The following HOOK1 variants were observed in gnomAD, a reference collection of about 807,000 sequenced individuals.
HOOK1 encodes protein Hook homolog 1.
HOOK1 carries 60 observed loss-of-function variants against 112.8 expected under a neutral mutation model. The observed-to-expected ratio is 0.53, with a 90% confidence interval of 0.43 to 0.66. The LOEUF is 0.66. Ranked by LOEUF, HOOK1 falls within the 30% of genes least tolerant of loss-of-function variation. HOOK1 has a pLI of 0.00. For missense variants in HOOK1, 770 were observed against 856.0 expected, an observed-to-expected ratio of 0.90 and a Z score of 1.25; for synonymous variants, 294 against 283.8, an observed-to-expected ratio of 1.04 and a Z score of -0.36.
intron 17 of HOOK1, 31 bp downstream of exon 17, chr1:59,864,697 T>C (rs1187756126): frequency 1.5e-6 from 2 of 1,367,330 alleles, no homozygotes; most frequent in East Asian, 2.4e-5. Flanking sequence ...TTTTCAAATA[T>C]GAGAAGGGAG....
rs1644113659 is a variant in HOOK1 at position 59,875,163 on chromosome 1, T to C, written c.*2198T>C. The C allele has an allele frequency of 6.6e-6, 1 of 152,618 alleles. No individual in the cohort carries two copies. Among genetic ancestry groups the C allele is most frequent in the Non-Finnish European group, 1.5e-5 (1 of 67,996 alleles). The allele number at this position is 152,618 out of a possible 1,614,324, so 9.5% of individuals were successfully genotyped here. On this transcript the variant is annotated 3_prime_UTR_variant, in exon 22 of 22. Transcript: ENST00000371208. ...TTGAGATTTTACAAGCCCTTCAAAC[T>C]CCGTTTTAAAGGAATTTATTGTAAA...
intron 2 of HOOK1, among the ~76,000 whole-genome samples, chr1:59,822,452 G>A (rs1403511887): frequency 6.6e-6 from 1 of 152,170 alleles, no homozygotes; most frequent in Non-Finnish European, 1.5e-5. Context: ...AGGAATGAAT[G>A]AAATTTGAAG....
chr1:59,854,032 ATATATATTTTTTTTTTTTTTTTTTT>A (rs1476266540), intron 12 of HOOK1, among the ~76,000 whole-genome samples: 5 of 23,022 alleles, frequency 2.2e-4, no homozygotes, highest in East Asian at 9.1e-4. Context: ...ATATATATAT[ATATATATTTTTTTTTTTTTTTTTTT>A]TTTTTTTTTT....
At chr1:59,851,013 A>T (rs373936139) in intron 12 of HOOK1, among the ~76,000 whole-genome samples, 2 of 151,656 alleles carry the variant, frequency 1.3e-5, no homozygotes, top group East Asian at 3.8e-4. Flanking sequence ...TTAATGGTTT[A>T]CTACTGGGTT....
Position 59,858,502 on chromosome 1 carries a change from C to A in HOOK1, c.1317C>A (p.His439Gln). Residue 439 changes from histidine (H) to glutamine (Q), a missense_variant, in exon 13 of 22, where the codon CAC becomes CAA. Physicochemically the swap from His to Gln is conservative, Grantham distance 24. This residue lies in a region of HOOK1 where 655 missense variants were observed against 725.9 expected (regional missense o/e 0.90). Transcript: ENST00000371208. Reference protein sequence around the residue: ...ELRCSQVQQDHLNQTDASATK... With the variant: ...ELRCSQVQQDQLNQTDASATK... ...GATGTTCACAAGTACAACAGGACCA[C>A]CTAAACCAAACAGGTTAATTTTGTT... is the stretch of plus-strand genomic sequence containing the variant. 2 of 1,610,050 alleles carry A rather than the reference C, an allele frequency of 1.2e-6. No homozygotes were observed. Among genetic ancestry groups the A allele is most frequent in the African/African-American group, 1.3e-5 (1 of 74,938 alleles).
intron 17 of HOOK1, 41 bp downstream of exon 17, chr1:59,864,707 G>A: frequency 5.5e-6 from 7 of 1,278,640 alleles, no homozygotes; most frequent in Non-Finnish European, 5.6e-6. Flanking sequence ...TGAGAAGGGA[G>A]GGGTTGTAAA....
At chr1:59,854,024 ATATATATATATATATTTTTTTTTTTTT>A (rs1272293290) in intron 12 of HOOK1, among the ~76,000 whole-genome samples, 3 of 21,264 alleles carry the variant, frequency 1.4e-4, no homozygotes, top group East Asian at 1.8e-3. Flanking sequence ...ATATATATAT[ATATATATATATATATTTTTTTTTTTTT>A]TTTTTTTTTT....
chr1:59,842,326 T>C (rs890076358), intron 8 of HOOK1, among the ~76,000 whole-genome samples: 1 of 152,166 alleles, frequency 6.6e-6, no homozygotes, highest in Non-Finnish European at 1.5e-5. Context: ...GCAGAAACTC[T>C]TTATTCTTTT....
At chr1:59,828,395 C>T (rs921234856) in intron 2 of HOOK1, among the ~76,000 whole-genome samples, 2 of 152,066 alleles carry the variant, frequency 1.3e-5, no homozygotes, top group Non-Finnish European at 2.9e-5. Context: ...CCTCAATTCC[C>T]TAAATAGTAA....
intron 8 of HOOK1, 74 bp downstream of exon 8, chr1:59,840,465 G>T (rs1204696589): frequency 1.1e-6 from 1 of 886,244 alleles, no homozygotes; most frequent in Non-Finnish European, 1.6e-6. Context: ...TAATTAATTA[G>T]TTAGCACTAT....
chr1:59,817,904 T>C (rs1352103270), intron 1 of HOOK1, among the ~76,000 whole-genome samples: 1 of 152,218 alleles, frequency 6.6e-6, no homozygotes, highest in Admixed American at 6.5e-5. Context: ...TATTTTCTGC[T>C]CTGTCCCTAG....
chr1:59,832,334 C>T (rs2098394601), intron 4 of HOOK1, 121 bp downstream of exon 4: 9 of 629,840 alleles, frequency 1.4e-5, no homozygotes, highest in Non-Finnish European at 2.5e-5. Context: ...ATAATTAGAA[C>T]ATGTTTTATT....
intron 12 of HOOK1, among the ~76,000 whole-genome samples, chr1:59,851,616 T>C (rs542531153): frequency 6.6e-6 from 1 of 151,696 alleles, no homozygotes; most frequent in African/African-American, 2.4e-5. Context: ...TAGAATTGAT[T>C]TTACTTCTTT....
chr1:59,835,435 G>A (rs754175220), intron 6 of HOOK1, 23 bp downstream of exon 6: 23 of 1,408,512 alleles, frequency 1.6e-5, no homozygotes, highest in East Asian at 1.4e-4. Context: ...ATGTTCCTAT[G>A]AGTATAAAAA....
At chr1:59,840,415 AG>A in intron 8 of HOOK1, 24 bp downstream of exon 8, 1 of 1,455,590 alleles carries the variant, frequency 6.9e-7, no homozygotes, top group Non-Finnish European at 9.2e-7. Context: ...CCCTGAGCTG[AG>A]AAAAACTTCC....
intron 10 of HOOK1, among the ~76,000 whole-genome samples, chr1:59,847,930 T>A (rs575293656): frequency 6.6e-6 from 1 of 151,822 alleles, no homozygotes; most frequent in South Asian, 2.1e-4. Context: ...GTCAAATACT[T>A]GGAAGGAAAC....
At chr1:59,833,675 C>A in intron 5 of HOOK1, 138 bp downstream of exon 5, 1 of 650,354 alleles carries the variant, frequency 1.5e-6, no homozygotes, top group Non-Finnish European at 2.4e-6. Flanking sequence ...TGAATTCTAG[C>A]CCAACTCTGT....
At position 59,833,480 on chromosome 1, in the gene HOOK1, C is replaced by T. The variant is rs780835674; in HGVS notation, c.349C>T (p.Leu117Phe). The stretch of plus-strand genomic sequence containing the variant: ...AACCGAATGTTCAGATCCAGTGGAG[C>T]TTGGGAGGTTGCTCCAGCTTATTTT... ...QITECSDPVE[L>F]GRLLQLILGC... The change falls in exon 5 of 22, where the codon CTT becomes TTT. Residue 117 changes from leucine (L) to phenylalanine (F), a missense_variant. Around this residue, in one of 3 missense-constraint regions of HOOK1, gnomAD observed 655 missense variants for 725.9 expected, o/e 0.90. Transcript: ENST00000371208. The T allele has an allele frequency of 1.3e-6, 2 of 1,594,390 alleles. No individual in the cohort carries two copies. Among genetic ancestry groups the T allele is most frequent in the Admixed American group, 1.7e-5 (1 of 59,146 alleles).
In HOOK1 at chr1:59,864,481, T is replaced by C. The variant is rs578030147; in HGVS notation, c.1627-151T>C. On this transcript the variant is annotated intron_variant, in intron 16 of 21. Transcript: ENST00000371208. ...AAAAAGAACCTAAAAAGTTTATGCT[T>C]CTTAAAGTGTGTTATTGGAAATACA... 15 of 537,856 alleles carry C rather than the reference T, an allele frequency of 2.8e-5. 1 individual carries two copies. The highest frequency in any genetic ancestry group is 1.8e-4 in the South Asian group (7 of 37,888). 33.3% of individuals were successfully genotyped at this position (537,856 alleles called of 1,614,324 possible).
Sources: gnomAD v4.1 joint callset for allele counts (sites outside exome capture counted in the v4.1 genomes callset) on GRCh38, gnomAD v4.1.1 for gene constraint, gnomAD v4.1.1 regional missense constraint, MANE v1.5 for transcripts, NCBI Gene and HGNC (gene_info 2026-07-23, HGNC 2026-07-21) for gene names.